DAGLB: variants seen among roughly 807,000 people sequenced by gnomAD.
DAGLB encodes the protein diacylglycerol lipase beta, also known as diacylglycerol lipase-beta.
Under a neutral mutation model 72.1 loss-of-function variants are expected in DAGLB, and 66 were observed. That is an observed-to-expected ratio of 0.92 (90% CI 0.75 to 1.12). The LOEUF is 1.12. Among genes scored for constraint, DAGLB ranks in the 50% most tolerant of loss-of-function variants. DAGLB has a pLI of 0.00. For synonymous variants in DAGLB, 414 were observed against 359.5 expected, an observed-to-expected ratio of 1.15 and a Z score of -1.71; for missense variants, 1,065 against 884.9, an observed-to-expected ratio of 1.20 and a Z score of -2.58.
At chr7:6,432,706 G>A (rs1349061162) in intron 5 of DAGLB, 131 bp downstream of exon 5, 26 of 1,151,930 alleles carry the variant, frequency 2.3e-5, no homozygotes, top group Admixed American at 7.3e-5. Flanking sequence ...AGGGGAGGAG[G>A]GGGAGGGGAG....
intron 2 of DAGLB, among the ~76,000 whole-genome samples, chr7:6,437,305 A>G (rs1246072319): frequency 1.3e-5 from 2 of 152,084 alleles, no homozygotes; most frequent in African/African-American, 4.8e-5. Flanking sequence ...TCCCTTTGAG[A>G]CCTACATTGT....
At chr7:6,440,851 A>G (rs1246254032) in intron 2 of DAGLB, among the ~76,000 whole-genome samples, 3 of 152,148 alleles carry the variant, frequency 2.0e-5, no homozygotes, top group Admixed American at 6.6e-5. Context: ...CCTGGGCAAC[A>G]GAGCAAAATT....
At position 6,410,377 on chromosome 7, in the gene DAGLB, T is replaced by C; in HGVS notation, c.1573A>G (p.Lys525Glu). ...VVAHCNKPKY[K>E]ILLHGLWYEL... ...TACCACAAACCGTGCAGCAAGATCT[T>C]GTACTGAGGGCGAGACCCAATCAGT... Residue 525 changes from lysine to glutamate, a missense_variant, in exon 14 of 15, where the codon AAG becomes GAG. Transcript: ENST00000297056. The C allele has an allele frequency of 6.2e-7, 1 of 1,609,286 alleles. No homozygotes were observed. Among genetic ancestry groups the C allele is most frequent in the Non-Finnish European group, 8.5e-7 (1 of 1,177,066 alleles).
chr7:6,423,099 A>G (rs543820268), intron 8 of DAGLB, among the ~76,000 whole-genome samples: 1 of 152,222 alleles, frequency 6.6e-6, no homozygotes, highest in Admixed American at 6.5e-5. Context: ...AAAAATAGAA[A>G]AAATTAGCTG....
chr7:6,410,282 T>C lies in DAGLB; in HGVS notation c.1668A>G (p.Thr556=), dbSNP rs1421934698. 2 of 1,613,714 alleles carry C rather than the reference T, an allele frequency of 1.2e-6. No individual in the cohort carries two copies. The highest frequency in any genetic ancestry group is 1.3e-5 in the African/African-American group (1 of 74,920). The change falls in exon 14 of 15, where the codon ACA becomes ACG. Residue 556 remains threonine, a synonymous_variant. Coordinates refer to ENST00000297056, the MANE Select transcript of DAGLB (RefSeq NM_139179.4). Reference sequence around the variant, plus strand: ...GGCTCTGCTCCCCCAGAAGAGGCTGTGTCAGGACTTCCTGGTCGCCCCCGT... The same window carrying C: ...GGCTCTGCTCCCCCAGAAGAGGCTGCGTCAGGACTTCCTGGTCGCCCCCGT... ...ELDGGDQEVL[T]QPLLGEQSLL...
Position 6,436,509 on chromosome 7 carries a change from C to T in DAGLB, c.272G>A (p.Arg91Gln), listed in dbSNP as rs749200999. ...MRGTICNPGP[R>Q]KSMSKLLYIR... ...GTAAAGCAGCTTAGACATAGACTTC[C>T]GCGGTCCAGGGTTACAAATCGTTCC... Residue 91 changes from arginine to glutamine, a missense_variant, in exon 3 of 15, where the codon CGG becomes CAG. By Grantham distance (43) the Arg-to-Gln change is conservative. Coordinates refer to ENST00000297056, the MANE Select transcript of DAGLB (RefSeq NM_139179.4). 12 of 1,614,022 alleles carry T rather than the reference C, an allele frequency of 7.4e-6. No individual in the cohort carries two copies. The highest frequency in any genetic ancestry group is 1.3e-5 in the African/African-American group (1 of 74,900).
Position 6,426,083 on chromosome 7 carries a change from C to A in DAGLB, c.961G>T (p.Val321Phe), listed in dbSNP as rs1376594468. ...TGACAGTTGAGCTGATCGCCTCCGA[C>A]CAAGTCATAGTCTGTGGTTCTGCTT... ...CRSRTTDYDL[V>F]GGDQLNCHFG... The change falls in exon 7 of 15, where the codon GTC (valine) becomes TTC (phenylalanine). Residue 321 changes from valine to phenylalanine, a missense_variant. By Grantham distance (50) the Val-to-Phe change is conservative (BLOSUM62 -1). Coordinates refer to ENST00000297056, the MANE Select transcript of DAGLB (RefSeq NM_139179.4). 6.2e-7 allele frequency: 1 copy of A among 1,613,938 alleles called. No homozygotes were observed. Among genetic ancestry groups the A allele is most frequent in the Admixed American group, 1.7e-5 (1 of 60,012 alleles).
chr7:6,427,443 C>G (rs1784349006), intron 6 of DAGLB, among the ~76,000 whole-genome samples: 1 of 151,968 alleles, frequency 6.6e-6, no homozygotes, highest in Non-Finnish European at 1.5e-5. Flanking sequence ...TGTTGGAGAC[C>G]AGCCTGGGCC....
At chr7:6,412,758 C>T (rs1355566761) in intron 13 of DAGLB, 53 bp downstream of exon 13, 22 of 1,546,902 alleles carry the variant, frequency 1.4e-5, no homozygotes, top group Non-Finnish European at 1.5e-5. Context: ...TCCACAGGAT[C>T]TCAGGGACAG....
At chr7:6,433,755 G>A (rs757543031) in intron 4 of DAGLB, among the ~76,000 whole-genome samples, 2 of 151,798 alleles carry the variant, frequency 1.3e-5, no homozygotes, top group Non-Finnish European at 1.5e-5. Flanking sequence ...TACTCAGTAC[G>A]CTGAGGCAGG....
intron 9 of DAGLB, among the ~76,000 whole-genome samples, chr7:6,420,140 C>T (rs1784063465): frequency 6.6e-6 from 1 of 151,950 alleles, no homozygotes; most frequent in African/African-American, 2.4e-5. Context: ...GAACAAGACC[C>T]TGTCTCAGAA....
intron 2 of DAGLB, among the ~76,000 whole-genome samples, chr7:6,443,125 G>C (rs956445612): frequency 6.6e-6 from 1 of 150,612 alleles, no homozygotes; most frequent in Non-Finnish European, 1.5e-5. Context: ...GGAGCTTACA[G>C]TGAGCCGAGA....
rs1785065199 is a variant in DAGLB at position 6,447,946 on chromosome 7, C to A, written c.-104G>T. 2 of 1,455,658 alleles carry A rather than the reference C, an allele frequency of 1.4e-6. No homozygotes were observed. Among genetic ancestry groups the A allele is most frequent in the Admixed American group, 5.4e-5 (2 of 37,034 alleles). The allele number at this position is 1,455,658 out of a possible 1,614,324, so 90.2% of individuals were successfully genotyped here. On this transcript the variant is annotated 5_prime_UTR_variant, in exon 1 of 15. Transcript: ENST00000297056. ...CGCCACCAAATTATCGGCGCTCAAG[C>A]GCAAACGCAGCGAGGGCGGGGACCT... is the stretch of plus-strand genomic sequence containing the variant.
chr7:6,423,174 CCCAA>C (rs1784189020), intron 8 of DAGLB, among the ~76,000 whole-genome samples: 1 of 152,096 alleles, frequency 6.6e-6, no homozygotes, highest in Non-Finnish European at 1.5e-5. Flanking sequence ...ATCACTTGAG[CCCAA>C]GAGGTGGAGG....
intron 2 of DAGLB, 56 bp downstream of exon 2, chr7:6,445,897 A>AT (rs1784984287): frequency 6.6e-7 from 1 of 1,507,694 alleles, no homozygotes; most frequent in African/African-American, 1.4e-5. Flanking sequence ...TATGTGAATT[A>AT]TATCTCAATA....
chr7:6,441,145 C>G (rs1310222290), intron 2 of DAGLB, among the ~76,000 whole-genome samples: 1 of 149,504 alleles, frequency 6.7e-6, no homozygotes, highest in Admixed American at 6.7e-5. Flanking sequence ...AGCTGGAGTG[C>G]AGTGGCGCGA....
At chr7:6,421,999 C>T in intron 8 of DAGLB, 195 bp from the exon 9 acceptor site, 1 of 684,098 alleles carries the variant, frequency 1.5e-6, no homozygotes, top group Non-Finnish European at 2.7e-6. Context: ...ATGGCACGAC[C>T]AGCTCTGGGC....
intron 8 of DAGLB, chr7:6,422,714 T>C (rs894800045): frequency 6.6e-6 from 1 of 152,310 alleles, no homozygotes; most frequent in African/African-American, 2.4e-5. Context: ...GAGGGGACAA[T>C]AGACACTGGG....
chr7:6,428,038 T>C (rs1583292493), intron 6 of DAGLB, among the ~76,000 whole-genome samples: 1 of 152,168 alleles, frequency 6.6e-6, no homozygotes, highest in South Asian at 2.1e-4. Flanking sequence ...GTAGAAGAAA[T>C]GATGAATTTA....
Sources: gnomAD v4.1 joint callset for allele counts (sites outside exome capture counted in the v4.1 genomes callset) on GRCh38, gnomAD v4.1.1 for gene constraint, MANE v1.5 for transcripts, NCBI Gene and HGNC (gene_info 2026-07-23, HGNC 2026-07-21) for gene names.